Variants in EXOC3L4 observed in about 807,000 individuals in gnomAD.
The protein encoded by EXOC3L4 is exocyst complex component 3-like protein 4.
In EXOC3L4, 62 loss-of-function variants were observed where a neutral mutation model predicts 69.7. That is an observed-to-expected ratio of 0.89 (90% CI 0.72 to 1.10). The LOEUF (loss-of-function observed/expected upper bound fraction) is 1.10, where lower values mean the gene tolerates loss of function less well. Among genes scored for constraint, EXOC3L4 ranks in the 50% least tolerant of loss-of-function variants. The pLI is 0.00. For missense variants in EXOC3L4, 1,087 were observed against 1,034.8 expected (o/e 1.05, Z -0.69); for synonymous variants, 502 against 464.2 (o/e 1.08, Z -1.05).
At chr14:103,099,517 T>C (rs1012253946) in intron 1 of EXOC3L4, among the ~76,000 whole-genome samples, 12 of 151,924 alleles carry the variant, frequency 7.9e-5, no homozygotes, top group Admixed American at 7.9e-4. Flanking sequence ...CAGTCCCTGG[T>C]TAAATATAGA....
chr14:103,107,800 T>C lies in EXOC3L4; in HGVS notation c.1854+17T>C. The C allele has an allele frequency of 1.3e-6, 2 of 1,493,310 alleles. No homozygotes were observed. The highest frequency in any genetic ancestry group is 2.6e-5 in the South Asian group (2 of 77,212). 92.5% of individuals were successfully genotyped at this position (1,493,310 alleles called of 1,614,324 possible). On this transcript the variant is annotated intron_variant, in intron 10 of 11. Coordinates refer to ENST00000688303, the MANE Select transcript of EXOC3L4 (RefSeq NM_001077594.2). Reference sequence around the variant, plus strand: ...CAGGGCCTGGTAGGGGCGGCATGACTGCCCTTCGGTGCTCGCCTCTGTGTG... The same window carrying C: ...CAGGGCCTGGTAGGGGCGGCATGACCGCCCTTCGGTGCTCGCCTCTGTGTG...
intron 8 of EXOC3L4, among the ~76,000 whole-genome samples, chr14:103,107,147 C>G (rs886847808): frequency 5.3e-5 from 8 of 152,170 alleles, no homozygotes; most frequent in African/African-American, 1.7e-4. Context: ...GGTGGGTCCA[C>G]GGATCCAGGC....
rs1391454149 is a variant in EXOC3L4 at position 103,107,436 on chromosome 14, G to A, written c.1594G>A (p.Val532Ile). Residue 532 changes from valine to isoleucine, a missense_variant, in exon 9 of 12, where the codon GTT (valine) becomes ATT (isoleucine). Coordinates refer to ENST00000688303, the MANE Select transcript of EXOC3L4 (RefSeq NM_001077594.2). ...LQRELQPLFR[V>I]VCTRDWLTQD... Reference sequence around the variant, plus strand: ...CCTCTGTCCCCAGCCGCTCTTCAGGGTTGTGTGCACCAGGGACTGGCTGAC... The same window carrying A: ...CCTCTGTCCCCAGCCGCTCTTCAGGATTGTGTGCACCAGGGACTGGCTGAC... 1 of 1,613,988 alleles carries A rather than the reference G, an allele frequency of 6.2e-7. No homozygotes were observed. Among genetic ancestry groups the A allele is most frequent in the Non-Finnish European group, 8.5e-7 (1 of 1,179,988 alleles).
In EXOC3L4 at chr14:103,102,743, G is replaced by A; in HGVS notation, c.1020G>A (p.Leu340=). 1 of 1,383,742 alleles carries A rather than the reference G, an allele frequency of 7.2e-7. No individual in the cohort carries two copies. The highest frequency in any genetic ancestry group is 9.3e-7 in the Non-Finnish European group (1 of 1,070,450). The allele number at this position is 1,383,742 out of a possible 1,614,324, so 85.7% of individuals were successfully genotyped here. ...GCGGCTGCGAGCAGCTCTATATCCT[G>A]CTGGACTGGGCCGCCAACGTCTACG... ...DARGCEQLYI[L]LDWAANVYGS... The change falls in exon 3 of 12, where the codon CTG becomes CTA. Residue 340 remains leucine, a synonymous_variant. Transcript: ENST00000688303.
chr14:103,102,530 G>C lies in EXOC3L4; in HGVS notation c.807G>C (p.Ala269=). Residue 269 remains alanine (A), a synonymous_variant, in exon 3 of 12, where the codon GCG becomes GCC. Coordinates refer to ENST00000688303, the MANE Select transcript of EXOC3L4 (RefSeq NM_001077594.2). ...GCGCGGGGTGGGCCTTCGGGGAGGC[G>C]GAGGGCGCGTCGGGTTTGGCCCAGC... ...RPGAGWAFGE[A]EGASGLAQLL... The C allele has an allele frequency of 1.4e-6, 2 of 1,404,460 alleles. No individual in the cohort carries two copies. The highest frequency in any genetic ancestry group is 1.8e-6 in the Non-Finnish European group (2 of 1,083,402). The allele number at this position is 1,404,460 out of a possible 1,614,324, so 87.0% of individuals were successfully genotyped here.
At chr14:103,105,358 C>CTGTGTGTGTG (rs56105443) in intron 7 of EXOC3L4, among the ~76,000 whole-genome samples, 40 of 141,680 alleles carry the variant, frequency 2.8e-4, no homozygotes, top group South Asian at 1.4e-3. Flanking sequence ...GAGCTGAGGG[C>CTGTGTGTGTG]TGTGTGTGTG....
chr14:103,110,008 T>C, intron 11 of EXOC3L4, 23 bp from the exon 12 acceptor site: 1 of 1,565,168 alleles, frequency 6.4e-7, no homozygotes, highest in Non-Finnish European at 8.6e-7. Flanking sequence ...AGGTCTGCAG[T>C]GAGTGCCCGC....
In EXOC3L4 at chr14:103,105,037, C is replaced by G. The variant is rs765856203; in HGVS notation, c.1431C>G (p.His477Gln). 5.6e-6 allele frequency: 9 copies of G among 1,612,366 alleles called. 1 individual carries two copies. Among genetic ancestry groups the G allele is most frequent in the Non-Finnish European group, 7.6e-6 (9 of 1,178,686 alleles). The change falls in exon 7 of 12, where the codon CAC becomes CAG. Residue 477 changes from histidine to glutamine, a missense_variant. Physicochemically the swap from His to Gln is conservative, Grantham distance 24. Transcript: ENST00000688303. ...CGTCGGAGGCGGTGAGCGAGCCGCACCTGGGCGCCTACATCAACGCCTGCG... is the reference window on the plus strand; with the variant it reads ...CGTCGGAGGCGGTGAGCGAGCCGCAGCTGGGCGCCTACATCAACGCCTGCG... Reference protein sequence around the residue: ...FLASEAVSEPHLGAYINACEE... With the variant: ...FLASEAVSEPQLGAYINACEE...
intron 9 of EXOC3L4, 40 bp downstream of exon 9, chr14:103,107,583 G>T (rs1890638560): frequency 1.9e-6 from 3 of 1,611,096 alleles, no homozygotes; most frequent in African/African-American, 2.7e-5. Context: ...CTGTGCCCAG[G>T]ATTGGGGCTG....
chr14:103,106,792 C>G lies in EXOC3L4; in HGVS notation c.1474C>G (p.Leu492Val). 1 of 1,580,074 alleles carries G rather than the reference C, an allele frequency of 6.3e-7. No homozygotes were observed. Among genetic ancestry groups the G allele is most frequent in the Non-Finnish European group, 8.6e-7 (1 of 1,161,974 alleles). ...GTCCTGGCCCCTCCCCAGGACCAGT[C>G]TTCTCTCCAGGTTCCCAGGAACCCA... ...INACEELRTS[L>V]LSRFPGTQEE... Residue 492 changes from leucine (L) to valine (V), a missense_variant, in exon 8 of 12, where the codon CTT (leucine) becomes GTT (valine). By Grantham distance (32) the Leu-to-Val change is conservative. Coordinates refer to ENST00000688303, the MANE Select transcript of EXOC3L4 (RefSeq NM_001077594.2).
At chr14:103,106,302 TG>T (rs1227813509) in intron 7 of EXOC3L4, among the ~76,000 whole-genome samples, 2 of 152,346 alleles carry the variant, frequency 1.3e-5, no homozygotes, top group East Asian at 3.9e-4. Context: ...GCTGGGACCC[TG>T]GGGTTTCAGC....
chr14:103,106,651 C>T (rs1262974689), intron 7 of EXOC3L4, 134 bp from the exon 8 acceptor site: 38 of 589,904 alleles, frequency 6.4e-5, no homozygotes, highest in Non-Finnish European at 9.5e-5. Context: ...ACTCTGCTCG[C>T]AGACAGCTAC....
rs1438475307 is a variant in EXOC3L4 at position 103,107,709 on chromosome 14, G to A, written c.1780G>A (p.Gly594Ser). The stretch of plus-strand genomic sequence containing the variant: ...GCTGAGGCCACGGGAGCGGTTCCGG[G>A]GCATGGAGCGCATGCATGGCTCCCA... ...RALRPRERFR[G>S]MERMHGSQKM... Residue 594 changes from glycine to serine, a missense_variant, in exon 10 of 12, where the codon GGC becomes AGC. By Grantham distance (56) the Gly-to-Ser change is moderately conservative. Coordinates refer to ENST00000688303, the MANE Select transcript of EXOC3L4 (RefSeq NM_001077594.2). 6.4e-7 allele frequency: 1 copy of A among 1,552,910 alleles called. No individual in the cohort carries two copies. The highest frequency in any genetic ancestry group is 2.4e-5 in the East Asian group (1 of 41,358).
chr14:103,099,093 G>T (rs2139465396), intron 1 of EXOC3L4, among the ~76,000 whole-genome samples: 1 of 152,306 alleles, frequency 6.6e-6, no homozygotes, highest in Non-Finnish European at 1.5e-5. Flanking sequence ...GGGTGCTTTG[G>T]TCCTGGCACC....
chr14:103,103,795 C>G, intron 3 of EXOC3L4, 146 bp from the exon 4 acceptor site: 2 of 441,256 alleles, frequency 4.5e-6, no homozygotes, highest in Non-Finnish European at 7.8e-6. Context: ...GAGGCGCGCG[C>G]GCGTGTGTGT....
intron 1 of EXOC3L4, among the ~76,000 whole-genome samples, chr14:103,099,489 C>T (rs956197148): frequency 6.6e-6 from 1 of 152,140 alleles, no homozygotes; most frequent in African/African-American, 2.4e-5. Context: ...GGGTGGGAAA[C>T]AGCATTGAGA....
chr14:103,105,023 G>A lies in EXOC3L4; in HGVS notation c.1417G>A (p.Val473Met). ...AAAGGCTTTTCTGGCGTCGGAGGCGGTGAGCGAGCCGCACCTGGGCGCCTA... is the reference window on the plus strand; with the variant it reads ...AAAGGCTTTTCTGGCGTCGGAGGCGATGAGCGAGCCGCACCTGGGCGCCTA... ...FEKAFLASEA[V>M]SEPHLGAYIN... The change falls in exon 7 of 12, where the codon GTG (valine) becomes ATG (methionine). Residue 473 changes from valine to methionine, a missense_variant. Val to Met is a conservative substitution (Grantham distance 21). Coordinates refer to ENST00000688303, the MANE Select transcript of EXOC3L4 (RefSeq NM_001077594.2). The A allele has an allele frequency of 6.2e-7, 1 of 1,612,288 alleles. No homozygotes were observed. The highest frequency in any genetic ancestry group is 8.5e-7 in the Non-Finnish European group (1 of 1,178,778).
chr14:103,105,994 G>A (rs1392821639), intron 7 of EXOC3L4, among the ~76,000 whole-genome samples: 2 of 152,190 alleles, frequency 1.3e-5, no homozygotes, highest in East Asian at 3.8e-4. Flanking sequence ...CCCTGGGGTG[G>A]TGTGGGACCT....
chr14:103,103,991 C>A lies in EXOC3L4; in HGVS notation c.1100C>A (p.Pro367His). 6.4e-7 allele frequency: 1 copy of A among 1,573,894 alleles called. No homozygotes were observed. The highest frequency in any genetic ancestry group is 2.3e-5 in the East Asian group (1 of 43,042). The change falls in exon 4 of 12, where the codon CCT becomes CAT. Residue 367 changes from proline to histidine, a missense_variant. Pro to His is a moderately conservative substitution (Grantham distance 77). Transcript: ENST00000688303. ...CTGGCGCTGCCCGCCGAGCCGCTGC[C>A]TCCGCTCCTGGCGCCGGACGTGTGG... ...PGLALPAEPL[P>H]PLLAPDVWAR...
Sources: gnomAD v4.1 joint callset for allele counts (sites outside exome capture counted in the v4.1 genomes callset) on GRCh38, gnomAD v4.1.1 for gene constraint, MANE v1.5 for transcripts, NCBI Gene and HGNC (gene_info 2026-07-23, HGNC 2026-07-21) for gene names.